The following RAB1A variants were observed in gnomAD, a reference collection of about 807,000 sequenced individuals.
RAB1A encodes RAB1A, member RAS oncogene family.
A neutral mutation model predicts 26.0 loss-of-function variants in RAB1A; 2 were observed. The observed-to-expected ratio is 0.08, with a 90% confidence interval of 0.03 to 0.24. RAB1A has a LOEUF of 0.24. Among genes scored for constraint, RAB1A ranks in the 10% least tolerant of loss-of-function variants. RAB1A has a pLI of 1.00. For missense variants in RAB1A, 100 were observed against 247.0 expected (o/e 0.40, Z 3.99); for synonymous variants, 84 against 84.9 (o/e 0.99, Z 0.06).
chr2:65,117,787 T>C (rs1301747558), intron 1 of RAB1A, among the ~76,000 whole-genome samples: 1 of 150,738 alleles, frequency 6.6e-6, no homozygotes, highest in East Asian at 2.0e-4. Context: ...CCCAGGTTGG[T>C]CTCAAACTCC....
intron 1 of RAB1A, among the ~76,000 whole-genome samples, chr2:65,107,549 C>A (rs767304550): frequency 3.9e-5 from 6 of 151,968 alleles, no homozygotes; most frequent in Admixed American, 6.6e-5. Context: ...TGCAGTGGCT[C>A]GATCTCGATT....
intron 1 of RAB1A, among the ~76,000 whole-genome samples, chr2:65,124,924 A>C (rs1424848289): frequency 6.6e-6 from 1 of 152,204 alleles, no homozygotes; most frequent in Non-Finnish European, 1.5e-5. Flanking sequence ...CAATGAGAAT[A>C]CTAGTTATCT....
intron 1 of RAB1A, among the ~76,000 whole-genome samples, chr2:65,125,175 A>G (rs59476922): frequency 1.3e-5 from 2 of 152,094 alleles, no homozygotes; most frequent in Non-Finnish European, 2.9e-5. Context: ...GGGGCTAAAA[A>G]TAAGGTAAAT....
rs67617654 is a variant in RAB1A, at chr2:65,120,455, CAAAA to C, written c.23+9434_23+9437del. Among the ~76,000 whole-genome samples the C allele has an allele frequency of 6.3e-3, 359 of 56,642 alleles. 2 individuals are homozygous for C. Among genetic ancestry groups the C allele is most frequent in the African/African-American group, 0.02 (345 of 17,242 alleles). The allele number at this position is 56,642 out of a possible 152,430, so 37.2% of individuals were successfully genotyped here. A position where few individuals can be genotyped will look rare whatever the true frequency, so the allele number is the denominator to read the frequency against. ...TGGGGGACAAAGCGACACCTTGTCT[CAAAA>C]AAAAAAAAAAAAAAAAAAAAACTCA... On this transcript the variant is annotated intron_variant, in intron 1 of 5. Coordinates refer to ENST00000409784, the MANE Select transcript of RAB1A (RefSeq NM_004161.5).
chr2:65,106,751 C>G (rs1034525894), intron 1 of RAB1A, among the ~76,000 whole-genome samples: 1 of 149,888 alleles, frequency 6.7e-6, no homozygotes, highest in African/African-American at 2.5e-5. Flanking sequence ...AAAAAGATCG[C>G]TATTGTAGAA....
At chr2:65,111,043 C>G (rs921939164) in intron 1 of RAB1A, among the ~76,000 whole-genome samples, 1 of 152,118 alleles carries the variant, frequency 6.6e-6, no homozygotes, top group Non-Finnish European at 1.5e-5. Flanking sequence ...AACAGGATAT[C>G]TGCATGACCT....
At chr2:65,098,147 G>T (rs989475619) in intron 2 of RAB1A, 81 bp from the exon 3 acceptor site, 3 of 754,798 alleles carry the variant, frequency 4.0e-6, no homozygotes, top group Non-Finnish European at 2.0e-6. Flanking sequence ...AAAAACTGTT[G>T]TTCAAGAGTA....
At chr2:65,104,000 G>A (rs7590690) in intron 2 of RAB1A, among the ~76,000 whole-genome samples, 98,751 of 151,824 alleles carry the variant, frequency 0.65, 32,395 homozygotes, top group Non-Finnish European at 0.69. Context: ...GGATGGTCTC[G>A]ATCTCTTGAC....
chr2:65,119,841 CAA>C (rs1178958164), intron 1 of RAB1A, among the ~76,000 whole-genome samples: 536 of 36,340 alleles, frequency 0.015, 1 homozygote, highest in African/African-American at 0.019. Context: ...CCTGTCTCTA[CAA>C]AAAAAAAAAA....
At position 65,129,924 on chromosome 2, in the gene RAB1A, A is replaced by AGCTGCCGCC. The variant is rs763824856; in HGVS notation, c.-18_-10dup. On this transcript the variant is annotated 5_prime_UTR_variant, in exon 1 of 6. Coordinates refer to ENST00000409784, the MANE Select transcript of RAB1A (RefSeq NM_004161.5). ...GGATTCATGCTGGACATGTCACTGC[A>AGCTGCCGCC]GCTGCCGCCGCCGCCACCGCCGCCC... 32 of 1,586,360 alleles carry AGCTGCCGCC rather than the reference A, an allele frequency of 2.0e-5. 1 individual carries two copies. The South Asian group carries it at 3.7e-4, about 18-fold the overall frequency.
chr2:65,111,265 G>C lies in RAB1A; in HGVS notation c.24-6459C>G, dbSNP rs1187869563. 4.6e-5 allele frequency among the ~76,000 whole-genome samples: 7 copies of C among 152,020 alleles called. No individual in the cohort carries two copies. The East Asian group carries it at 1.3e-3, about 29-fold the overall frequency. On this transcript the variant is annotated intron_variant, in intron 1 of 5. Transcript: ENST00000409784. The stretch of plus-strand genomic sequence containing the variant: ...TAGTTTCAGTTACTTGGGAGACTGA[G>C]GCAGGACAGTCACTTGAACCCCGGA...
intron 2 of RAB1A, among the ~76,000 whole-genome samples, chr2:65,100,854 C>T (rs1253927896): frequency 6.7e-6 from 1 of 149,694 alleles, no homozygotes; most frequent in Admixed American, 6.7e-5. Context: ...GATAGAAATA[C>T]TGAATTCTTG....
In RAB1A at chr2:65,088,704, G is replaced by A; in HGVS notation, c.421-14C>T. 1.3e-6 allele frequency: 2 copies of A among 1,585,940 alleles called. No individual in the cohort carries two copies. The highest frequency in any genetic ancestry group is 1.7e-6 in the Non-Finnish European group (2 of 1,162,788). On this transcript the variant is annotated splice_polypyrimidine_tract_variant and intron_variant, in intron 5 of 5. Coordinates refer to ENST00000409784, the MANE Select transcript of RAB1A (RefSeq NM_004161.5). The stretch of plus-strand genomic sequence containing the variant: ...ATCAGCAAATTCCTAAGAGAATAAT[G>A]AGGCACAATTAACACTGAAAAATCT...
intron 2 of RAB1A, among the ~76,000 whole-genome samples, chr2:65,104,021 G>A (rs1045111039): frequency 4.6e-5 from 7 of 151,962 alleles, no homozygotes; most frequent in South Asian, 2.1e-4. Flanking sequence ...CTTGTGATCC[G>A]CCCGTCTCGG....
At position 65,088,157 on chromosome 2, in the gene RAB1A, C is replaced by T. The variant is rs1669081248; in HGVS notation, c.*336G>A. ...GAACTTCATCTTCAGAAGACTAAAC[C>T]TGACATCTAAACATGCCAATATAAA... On this transcript the variant is annotated 3_prime_UTR_variant, in exon 6 of 6. Coordinates refer to ENST00000409784, the MANE Select transcript of RAB1A (RefSeq NM_004161.5). 1 of 196,388 alleles carries T rather than the reference C, an allele frequency of 5.1e-6. No individual in the cohort carries two copies. The highest frequency in any genetic ancestry group is 1.0e-5 in the Non-Finnish European group (1 of 97,590). 12.2% of individuals were successfully genotyped at this position (196,388 alleles called of 1,614,324 possible). A position where few individuals can be genotyped will look rare whatever the true frequency, so the allele number is the denominator to read the frequency against.
chr2:65,090,038 G>A (rs1669135153), intron 4 of RAB1A, among the ~76,000 whole-genome samples: 3 of 152,152 alleles, frequency 2.0e-5, no homozygotes, highest in African/African-American at 7.2e-5. Flanking sequence ...TGAATAAGAT[G>A]ACCTACTGTT....
chr2:65,129,206 A>AAC (rs1670176834), intron 1 of RAB1A, among the ~76,000 whole-genome samples: 1 of 151,752 alleles, frequency 6.6e-6, no homozygotes, highest in Non-Finnish European at 1.5e-5. Context: ...TTTAAAAAAA[A>AAC]AAAAAACAAA....
chr2:65,099,814 T>C (rs1404502386), intron 2 of RAB1A, among the ~76,000 whole-genome samples: 1 of 152,116 alleles, frequency 6.6e-6, no homozygotes, highest in South Asian at 2.1e-4. Context: ...AATAGCTACA[T>C]AGAGCTAGTA....
At chr2:65,114,570 G>A (rs759658321) in intron 1 of RAB1A, among the ~76,000 whole-genome samples, 16 of 152,106 alleles carry the variant, frequency 1.1e-4, no homozygotes, top group Non-Finnish European at 2.1e-4. Context: ...GGGGCCGGGC[G>A]CGGTGGCTCA....
Sources: gnomAD v4.1 joint callset for allele counts (sites outside exome capture counted in the v4.1 genomes callset) on GRCh38, gnomAD v4.1.1 for gene constraint, MANE v1.5 for transcripts, NCBI Gene and HGNC (gene_info 2026-07-23, HGNC 2026-07-21) for gene names.